The following NUP160 variants were observed in gnomAD, a reference collection of about 807,000 sequenced individuals.
NUP160 encodes nuclear pore complex protein Nup160.
NUP160 carries 94 observed loss-of-function variants against 196.9 expected under a neutral mutation model. The ratio of observed to expected loss-of-function variants is 0.48; its 90% CI spans 0.40 to 0.57. The LOEUF is 0.57. NUP160 is among the 20% of genes least tolerant of loss of function. NUP160 has a pLI of 0.00. For synonymous variants in NUP160, 605 were observed against 619.7 expected (o/e 0.98, Z 0.35); for missense variants, 1,638 against 1,748.3 (o/e 0.94, Z 1.13).
intron 7 of NUP160, among the ~76,000 whole-genome samples, chr11:47,830,867 A>T (rs1214779991): frequency 1.4e-5 from 2 of 146,412 alleles, no homozygotes; most frequent in African/African-American, 5.0e-5. Context: ...AACAAAAGTT[A>T]AAAAAAAAAA....
At chr11:47,780,112 C>T (rs2097659814) in intron 35 of NUP160, among the ~76,000 whole-genome samples, 1 of 152,184 alleles carries the variant, frequency 6.6e-6, no homozygotes, top group South Asian at 2.1e-4. Flanking sequence ...GGACCGACTG[C>T]TTGCCATTTG....
At chr11:47,828,732 G>T (rs1177067822) in intron 7 of NUP160, among the ~76,000 whole-genome samples, 1 of 152,120 alleles carries the variant, frequency 6.6e-6, no homozygotes, top group Admixed American at 6.6e-5. Flanking sequence ...ACCAGCACAA[G>T]GTCAGATATA....
intron 34 of NUP160, among the ~76,000 whole-genome samples, chr11:47,780,860 C>A (rs1290662752): frequency 3.9e-5 from 6 of 152,144 alleles, no homozygotes; most frequent in Non-Finnish European, 8.8e-5. Flanking sequence ...CCACAAGAAA[C>A]TGTGTGTATA....
exon 36 of NUP160, chr11:47,779,120 A>G (rs763042276): frequency 6.2e-7 from 1 of 1,613,498 alleles, no homozygotes; most frequent in Non-Finnish European, 8.5e-7. Flanking sequence ...AGGTCCGACG[A>G]TATAATAAAT....
intron 25 of NUP160, 21 bp downstream of exon 25, chr11:47,798,147 T>TA (rs1226785739): frequency 6.3e-7 from 1 of 1,590,974 alleles, no homozygotes; most frequent in Non-Finnish European, 8.6e-7. Context: ...TTGTCTTCTC[T>TA]AAAAAAGGCC....
At chr11:47,806,794 C>T (rs397848956) in intron 19 of NUP160, among the ~76,000 whole-genome samples, 2,386 of 12,092 alleles carry the variant, frequency 0.2, 79 homozygotes, top group South Asian at 0.29. Context: ...CAGCTATACA[C>T]ACACACACAC....
chr11:47,806,074 A>G lies in NUP160; in HGVS notation c.2606+79T>C, dbSNP rs970909070. The G allele has an allele frequency of 3.8e-5, 52 of 1,384,380 alleles. No individual in the cohort carries two copies. In the Admixed American group the frequency reaches 8.8e-4, roughly 23 times the overall value. The allele number at this position is 1,384,380 out of a possible 1,614,324, so 85.8% of individuals were successfully genotyped here. A position where few individuals can be genotyped will look rare whatever the true frequency, so the allele number is the denominator to read the frequency against. On this transcript the variant is annotated intron_variant, in intron 20 of 35. Transcript: ENST00000378460. ...AGTGATAAACCTGCCTCCACCTCCCAAAGTGCTGGGATTACAGGTGTGAGC... is the reference window on the plus strand; with the variant it reads ...AGTGATAAACCTGCCTCCACCTCCCGAAGTGCTGGGATTACAGGTGTGAGC...
Position 47,807,981 on chromosome 11 carries a change from C to T in NUP160, c.2375+415G>A, listed in dbSNP as rs188620638. On this transcript the variant is annotated intron_variant, in intron 18 of 35. Coordinates refer to ENST00000378460, the Ensembl canonical transcript of NUP160. ...TTAATGGCATATAATTTTACGGCAT[C>T]CTGTTAAAAATCTTTTTCCCGGCTG... is the stretch of plus-strand genomic sequence containing the variant. 2.2e-3 allele frequency among the ~76,000 whole-genome samples: 332 copies of T among 152,296 alleles called. 1 individual carries two copies. The highest frequency in any genetic ancestry group is 4.5e-3 in the Admixed American group (69 of 15,286).
chr11:47,822,279 G>C, intron 7 of NUP160, 115 bp from the exon 8 acceptor site: 1 of 590,494 alleles, frequency 1.7e-6, no homozygotes, highest in East Asian at 3.3e-5. Flanking sequence ...TTTTTTGAAA[G>C]AAGAGTCTTG....
At chr11:47,827,177 C>T in intron 7 of NUP160, 1 of 455,854 alleles carries the variant, frequency 2.2e-6, no homozygotes, top group Non-Finnish European at 4.4e-6. Context: ...GACCAGGCAA[C>T]ATGGCGAAAC....
intron 11 of NUP160, among the ~76,000 whole-genome samples, chr11:47,817,487 T>C (rs2135380635): frequency 6.6e-6 from 1 of 151,690 alleles, no homozygotes; most frequent in South Asian, 2.1e-4. Context: ...GCTGGGACTA[T>C]AGGCGTGTGC....
Position 47,780,455 on chromosome 11 carries a change from G to T in NUP160, c.4117-8C>A, listed in dbSNP as rs1199255728. On this transcript the variant is annotated splice_region_variant and splice_polypyrimidine_tract_variant and intron_variant, in intron 34 of 35. Coordinates refer to ENST00000378460, the Ensembl canonical transcript of NUP160. ...TGTTGCGGACAGTGGAAACTAAAAG[G>T]AAAATGTTTATTTGAAAACAGTCTG... 1 of 1,586,886 alleles carries T rather than the reference G, an allele frequency of 6.3e-7. No individual in the cohort carries two copies. Among genetic ancestry groups the T allele is most frequent in the East Asian group, 2.2e-5 (1 of 44,658 alleles).
At chr11:47,785,188 T>G in intron 32 of NUP160, 125 bp from the exon 33 acceptor site, 2 of 422,840 alleles carry the variant, frequency 4.7e-6, no homozygotes, top group Non-Finnish European at 8.4e-6. Flanking sequence ...TCACCCAGGC[T>G]AGAGTGGAGT....
rs141495864 is a variant in NUP160 at position 47,838,931 on chromosome 11, G to T, written c.748+912C>A. On this transcript the variant is annotated intron_variant, in intron 4 of 35. Transcript: ENST00000378460. ...ATGCAGGAGAATCGCTTGAACCCAGGAGGTGGAGATTGCAGTGAGCTGAGA... is the reference window on the plus strand; with the variant it reads ...ATGCAGGAGAATCGCTTGAACCCAGTAGGTGGAGATTGCAGTGAGCTGAGA... Among the ~76,000 whole-genome samples the T allele has an allele frequency of 3.0e-4, 45 of 151,714 alleles. No individual in the cohort carries two copies. In the East Asian group the frequency reaches 5.9e-3, roughly 20 times the overall value.
chr11:47,833,449 C>T (rs1409693238), intron 7 of NUP160, among the ~76,000 whole-genome samples: 2 of 117,840 alleles, frequency 1.7e-5, no homozygotes, highest in African/African-American at 6.0e-5. Context: ...GAGTGCCAAA[C>T]TCCATCACAA....
intron 21 of NUP160, 178 bp downstream of exon 21, chr11:47,804,371 T>C (rs891484162): frequency 1.9e-6 from 1 of 526,108 alleles, no homozygotes; most frequent in Non-Finnish European, 3.3e-6. Flanking sequence ...TCAGACAAAA[T>C]CAAGCAAGTT....
chr11:47,831,107 G>A lies in NUP160; in HGVS notation c.1101+4544C>T, dbSNP rs541886496. 7.2e-5 allele frequency among the ~76,000 whole-genome samples: 11 copies of A among 152,178 alleles called. 1 individual carries two copies. The South Asian group carries it at 1.0e-3, about 14-fold the overall frequency. On this transcript the variant is annotated intron_variant, in intron 7 of 35. Coordinates refer to ENST00000378460, the Ensembl canonical transcript of NUP160. ...GAACCTGGGAGGCGGAGGTTGCAGTGAGCCGAGATCACGCCACTGCACTCC... is the reference window on the plus strand; with the variant it reads ...GAACCTGGGAGGCGGAGGTTGCAGTAAGCCGAGATCACGCCACTGCACTCC...
At chr11:47,809,655 T>G (rs2097679905) in intron 17 of NUP160, among the ~76,000 whole-genome samples, 1 of 138,814 alleles carries the variant, frequency 7.2e-6, no homozygotes, top group East Asian at 2.1e-4. Context: ...GGCTGAGATA[T>G]GAGAATTTCT....
Position 47,819,462 on chromosome 11 carries a change from G to C in NUP160, c.1278-4C>G. 6.2e-7 allele frequency: 1 copy of C among 1,607,186 alleles called. No homozygotes were observed. The highest frequency in any genetic ancestry group is 8.5e-7 in the Non-Finnish European group (1 of 1,173,880). On this transcript the variant is annotated splice_polypyrimidine_tract_variant and splice_region_variant and intron_variant, in intron 9 of 35. Coordinates refer to ENST00000378460, the Ensembl canonical transcript of NUP160. ...ATTCCACTGACCTGCAACATTACTA[G>C]AGACAAAAAAGTCCACCAGTTTATA...
Sources: allele counts gnomAD v4.1 joint callset (sites outside exome capture counted in the v4.1 genomes callset), GRCh38; gene constraint gnomAD v4.1.1; transcripts MANE v1.5; gene names NCBI Gene and HGNC (gene_info 2026-07-23, HGNC 2026-07-21).